SPAG5: variants seen among roughly 807,000 people sequenced by gnomAD.
SPAG5 encodes the protein sperm-associated antigen 5.
Under a neutral mutation model 145.4 loss-of-function variants are expected in SPAG5, and 99 were observed. The ratio of observed to expected loss-of-function variants is 0.68; its 90% confidence interval spans 0.58 to 0.80. SPAG5 has a LOEUF of 0.80. Ranked by LOEUF, SPAG5 falls within the 30% of genes least tolerant of loss-of-function variation. SPAG5 has a pLI of 0.00. For missense variants in SPAG5, 1,192 were observed against 1,416.0 expected (o/e 0.84, Z 2.54); for synonymous variants, 477 against 525.4 (o/e 0.91, Z 1.26).
rs551441461 is a variant in SPAG5 at position 28,585,268 on chromosome 17, A to C, written c.1953+51T>G. Reference sequence around the variant, plus strand: ...GAGCACACTTGAGGCAAAGCTCACAACAGGACTTGATGTGAGTAAGGAATT... The same window carrying C: ...GAGCACACTTGAGGCAAAGCTCACACCAGGACTTGATGTGAGTAAGGAATT... On this transcript the variant is annotated intron_variant, in intron 9 of 23. Transcript: ENST00000321765. The C allele has an allele frequency of 2.4e-4, 393 of 1,606,822 alleles. 1 individual carries two copies. Among genetic ancestry groups the C allele is most frequent in the Non-Finnish European group, 2.6e-5 (30 of 1,173,296 alleles).
In SPAG5 at chr17:28,578,308, G is replaced by A; in HGVS notation, c.3355-16C>T. 6.2e-7 allele frequency: 1 copy of A among 1,614,094 alleles called. No individual in the cohort carries two copies. Among genetic ancestry groups the A allele is most frequent in the Non-Finnish European group, 8.5e-7 (1 of 1,179,998 alleles). On this transcript the variant is annotated splice_polypyrimidine_tract_variant and intron_variant, in intron 21 of 23. Coordinates refer to ENST00000321765, the MANE Select transcript of SPAG5 (RefSeq NM_006461.4). ...GTTTGTCCACCTAGAAATATGTCCAGATCAACAGGGGTACAGCCTGGGGTC... is the reference window on the plus strand; with the variant it reads ...GTTTGTCCACCTAGAAATATGTCCAAATCAACAGGGGTACAGCCTGGGGTC...
At chr17:28,597,553 G>A (rs2070674887) in intron 2 of SPAG5, among the ~76,000 whole-genome samples, 1 of 152,234 alleles carries the variant, frequency 6.6e-6, no homozygotes. Context: ...CTATTGGACA[G>A]TAGGTATTTT....
Position 28,598,965 on chromosome 17 carries a change from CCTAT to C in SPAG5, c.-23_-20del. On this transcript the variant is annotated 5_prime_UTR_variant, in exon 1 of 24. The change abolishes the stop of an existing upstream ORF in the 5' untranslated region. Coordinates refer to ENST00000321765, the MANE Select transcript of SPAG5 (RefSeq NM_006461.4). ...GCCACATCTTCAACCAGAAGGCAGG[CCTAT>C]CACGTCTCAGACCAAGTCGAGGACG... 6.2e-7 allele frequency: 1 copy of C among 1,613,170 alleles called. No individual in the cohort carries two copies. The highest frequency in any genetic ancestry group is 8.5e-7 in the Non-Finnish European group (1 of 1,179,186).
In SPAG5 at chr17:28,580,134, A is replaced by G; in HGVS notation, c.2686-14T>C. 6.3e-7 allele frequency: 1 copy of G among 1,586,576 alleles called. No homozygotes were observed. The highest frequency in any genetic ancestry group is 8.6e-7 in the Non-Finnish European group (1 of 1,159,634). On this transcript the variant is annotated splice_polypyrimidine_tract_variant and intron_variant, in intron 15 of 23. Transcript: ENST00000321765. ...CTCTTGTTCAGTCTAAGGGCAAAGA[A>G]GAAAAAATAGCTGCTGTTCAGGTCT...
intron 4 of SPAG5, 94 bp downstream of exon 4, chr17:28,591,604 T>C: frequency 8.7e-7 from 1 of 1,155,324 alleles, no homozygotes; most frequent in South Asian, 1.5e-5. Context: ...TATAAGCCTG[T>C]GATAGGAGTC....
intron 8 of SPAG5, 42 bp downstream of exon 8, chr17:28,585,492 C>G: frequency 6.2e-7 from 1 of 1,613,792 alleles, no homozygotes; most frequent in East Asian, 2.2e-5. Context: ...CCCTCCCAGT[C>G]TGTCAGCACA....
chr17:28,591,101 T>A (rs1271952685), intron 4 of SPAG5, among the ~76,000 whole-genome samples: 2 of 152,206 alleles, frequency 1.3e-5, no homozygotes, highest in African/African-American at 4.8e-5. Context: ...GGCTTATTCA[T>A]AATTTTTCTT....
At chr17:28,594,972 A>T (rs979049472) in intron 2 of SPAG5, among the ~76,000 whole-genome samples, 1 of 151,378 alleles carries the variant, frequency 6.6e-6, no homozygotes, top group Admixed American at 6.6e-5. Context: ...AAAAAAAAAT[A>T]AAAAAGACAG....
In SPAG5 at chr17:28,578,717, C is replaced by T. The variant is rs371002217; in HGVS notation, c.3153G>A (p.Gln1051=). Residue 1051 remains glutamine (Q), a synonymous_variant, in exon 20 of 24, where the codon CAG becomes CAA. Transcript: ENST00000321765. The part of the protein sequence containing the change: ...EKELQEVIQQ[Q]NEKILEQIDK... ...CTATCTGTTCTAGGATCTTCTCATT[C>T]TGCTGCTGTATCACTTCCTGGAGCT... 2 of 1,614,040 alleles carry T rather than the reference C, an allele frequency of 1.2e-6. No homozygotes were observed. Among genetic ancestry groups the T allele is most frequent in the Admixed American group, 3.3e-5 (2 of 60,018 alleles).
At chr17:28,598,670 G>A (rs2070686916) in intron 1 of SPAG5, 35 bp from the exon 2 acceptor site, 1 of 1,571,648 alleles carries the variant, frequency 6.4e-7, no homozygotes, top group Non-Finnish European at 8.6e-7. Context: ...GCGAGTGTGA[G>A]GAAGCCTGGG....
At chr17:28,579,015 A>G (rs2070529222) in intron 19 of SPAG5, 126 bp downstream of exon 19, 14 of 804,914 alleles carry the variant, frequency 1.7e-5, no homozygotes, top group Non-Finnish European at 2.2e-5. Flanking sequence ...GACCCCAGGA[A>G]GGGCAAAACT....
chr17:28,599,016 GT>G lies in SPAG5; in HGVS notation c.-71del. 1 of 1,487,764 alleles carries G rather than the reference GT, an allele frequency of 6.7e-7. No individual in the cohort carries two copies. Among genetic ancestry groups the G allele is most frequent in the Non-Finnish European group, 9.4e-7 (1 of 1,066,212 alleles). The allele number at this position is 1,487,764 out of a possible 1,614,324, so 92.2% of individuals were successfully genotyped here. A position where few individuals can be genotyped will look rare whatever the true frequency, so the allele number is the denominator to read the frequency against. On this transcript the variant is annotated 5_prime_UTR_variant, in exon 1 of 24. Coordinates refer to ENST00000321765, the MANE Select transcript of SPAG5 (RefSeq NM_006461.4). ...GACGCCATGTTCACCCGCCGTCTGT[GT>G]TTGAACCTGCTCTGCGCTTCCTGGT...
chr17:28,585,083 C>T lies in SPAG5; in HGVS notation c.2067+19G>A, dbSNP rs73986737. ...AGGAAGGAAACCAAGCCTAAGCAGT[C>T]CCCACTCTTGGTTTGTACCTCCTGC... On this transcript the variant is annotated intron_variant, in intron 10 of 23. Coordinates refer to ENST00000321765, the MANE Select transcript of SPAG5 (RefSeq NM_006461.4). 6.3e-7 allele frequency: 1 copy of T among 1,591,936 alleles called. No individual in the cohort carries two copies. The highest frequency in any genetic ancestry group is 1.3e-5 in the African/African-American group (1 of 74,558).
Position 28,596,497 on chromosome 17 carries a change from G to A in SPAG5, c.177+2013C>T, listed in dbSNP as rs376775863. On this transcript the variant is annotated intron_variant, in intron 2 of 23. Transcript: ENST00000321765. Reference sequence around the variant, plus strand: ...AGCCTGGCCAATATGGCGAAACCCCGTCTCTATTAAAAATACAAAAATTAG... The same window carrying A: ...AGCCTGGCCAATATGGCGAAACCCCATCTCTATTAAAAATACAAAAATTAG... Among the ~76,000 whole-genome samples, 88 of 151,128 alleles carry A rather than the reference G, an allele frequency of 5.8e-4. 1 individual carries two copies. The South Asian group carries it at 6.3e-3, about 11-fold the overall frequency.
intron 4 of SPAG5, among the ~76,000 whole-genome samples, chr17:28,590,069 A>G (rs956180839): frequency 7.9e-5 from 12 of 152,246 alleles, no homozygotes; most frequent in African/African-American, 2.9e-4. Context: ...AATCAGTTGT[A>G]TATTAGTCAC....
In SPAG5 at chr17:28,578,729, C is replaced by G. The variant is rs761040186; in HGVS notation, c.3141G>C (p.Val1047=). ...GGATCTTCTCATTCTGCTGCTGTAT[C>G]ACTTCCTGGAGCTCCTTTTCATTCT... ...RYKNEKELQE[V]IQQQNEKILE... Residue 1047 remains valine, a synonymous_variant, in exon 20 of 24, where the codon GTG becomes GTC. Coordinates refer to ENST00000321765, the MANE Select transcript of SPAG5 (RefSeq NM_006461.4). The G allele has an allele frequency of 4.3e-6, 7 of 1,613,812 alleles. No homozygotes were observed. The African/African-American group carries it at 8.0e-5, about 18-fold the overall frequency.
chr17:28,579,105 G>A (rs771709571), intron 19 of SPAG5, 36 bp downstream of exon 19: 222 of 1,552,600 alleles, frequency 1.4e-4, no homozygotes, highest in Non-Finnish European at 1.9e-4. Context: ...AGCTGCCCCA[G>A]TTCTTCATCG....
In SPAG5 at chr17:28,598,959, G is replaced by C. The variant is rs778245552; in HGVS notation, c.-13C>G. ...TCACTCGCCACATCTTCAACCAGAA[G>C]GCAGGCCTATCACGTCTCAGACCAA... On this transcript the variant is annotated 5_prime_UTR_variant, in exon 1 of 24. Coordinates refer to ENST00000321765, the MANE Select transcript of SPAG5 (RefSeq NM_006461.4). 6.2e-7 allele frequency: 1 copy of C among 1,613,764 alleles called. No individual in the cohort carries two copies. Among genetic ancestry groups the C allele is most frequent in the Admixed American group, 1.7e-5 (1 of 60,016 alleles).
intron 15 of SPAG5, among the ~76,000 whole-genome samples, chr17:28,582,524 A>G (rs983609561): frequency 1.3e-5 from 2 of 152,074 alleles, no homozygotes; most frequent in African/African-American, 2.4e-5. Context: ...TCCCCTCTCT[A>G]TCTCTCACAG....
Sources: allele counts gnomAD v4.1 joint callset (sites outside exome capture counted in the v4.1 genomes callset), GRCh38; gene constraint gnomAD v4.1.1; transcripts MANE v1.5; gene names NCBI Gene and HGNC (gene_info 2026-07-23, HGNC 2026-07-21).